The following BSDC1 variants were observed in gnomAD, a reference collection of about 807,000 sequenced individuals.
BSDC1 encodes the protein BSD domain-containing protein 1.
Under a neutral mutation model 56.0 loss-of-function variants are expected in BSDC1, and 29 were observed. That is an observed-to-expected ratio of 0.52 (90% CI 0.39 to 0.71). The LOEUF is 0.71. BSDC1 is among the 30% of genes least tolerant of loss of function. The pLI is 0.00. For synonymous variants in BSDC1, 210 were observed against 215.3 expected (o/e 0.98, Z 0.21); for missense variants, 477 against 548.5 (o/e 0.87, Z 1.30).
At position 32,394,409 on chromosome 1, in the gene BSDC1, C is replaced by A. The variant is rs1351532934; in HGVS notation, c.6G>T (p.Ala2=). The A allele has an allele frequency of 6.2e-7, 1 of 1,614,186 alleles. No individual in the cohort carries two copies. The highest frequency in any genetic ancestry group is 1.7e-5 in the Admixed American group (1 of 60,024). Residue 2 remains alanine (A), a synonymous_variant, in exon 1 of 11, where the codon GCG becomes GCT. Transcript: ENST00000455895. M[A]EGEDVGWWRS... ...GAGCAAAACGACAAGCTCACCCTTC[C>A]GCCATCTTGCCTGCATGACATCACC...
Position 32,366,379 on chromosome 1 carries a change from C to T in BSDC1, c.*243G>A. 1.4e-6 allele frequency: 1 copy of T among 691,266 alleles called. No individual in the cohort carries two copies. 42.8% of individuals were successfully genotyped at this position (691,266 alleles called of 1,614,324 possible). ...CTCTTCTGGTGAGGAGGATAGGTTT[C>T]CTCTCCCTTGGGTCATCCTATTGTT... On this transcript the variant is annotated 3_prime_UTR_variant, in exon 11 of 11. Transcript: ENST00000455895.
intron 5 of BSDC1, among the ~76,000 whole-genome samples, chr1:32,380,011 T>C (rs958000917): frequency 6.6e-6 from 1 of 152,220 alleles, no homozygotes; most frequent in African/African-American, 2.4e-5. Context: ...AAGATGGGCT[T>C]CAAAGGGTCA....
chr1:32,380,231 C>T (rs1021286788), intron 5 of BSDC1, among the ~76,000 whole-genome samples: 1 of 152,228 alleles, frequency 6.6e-6, no homozygotes, highest in African/African-American at 2.4e-5. Flanking sequence ...CTCATACGCA[C>T]CCTTTAACCC....
chr1:32,383,808 A>C (rs1315807465), intron 4 of BSDC1, 22 bp downstream of exon 4: 1 of 1,609,758 alleles, frequency 6.2e-7, no homozygotes, highest in Non-Finnish European at 8.5e-7. Flanking sequence ...AGGCATCTGC[A>C]GGGGAGACTG....
chr1:32,375,442 G>C (rs959579434), intron 9 of BSDC1, among the ~76,000 whole-genome samples: 1 of 150,424 alleles, frequency 6.6e-6, no homozygotes, highest in Non-Finnish European at 1.5e-5. Context: ...CTGGAGGGGG[G>C]GTTCTTAGTG....
At chr1:32,390,534 G>A (rs1445568771) in intron 2 of BSDC1, among the ~76,000 whole-genome samples, 3 of 152,206 alleles carry the variant, frequency 2.0e-5, no homozygotes, top group African/African-American at 7.2e-5. Flanking sequence ...CTAGAGACAA[G>A]GTGGTAACAA....
chr1:32,365,176 TC>T lies in BSDC1; in HGVS notation c.*1445del, dbSNP rs1641799432. Reference sequence around the variant, plus strand: ...AAAGGTTCAGGACAAAGTTCTTTTTTCTTTCTTTTTTAATTATAAAACTAAC... The same window carrying T: ...AAAGGTTCAGGACAAAGTTCTTTTTTTTTCTTTTTTAATTATAAAACTAAC... On this transcript the variant is annotated 3_prime_UTR_variant, in exon 11 of 11. Coordinates refer to ENST00000455895, the MANE Select transcript of BSDC1 (RefSeq NM_018045.8). The T allele has an allele frequency of 6.6e-6, 1 of 152,226 alleles. No individual in the cohort carries two copies. The highest frequency in any genetic ancestry group is 1.5e-5 in the Non-Finnish European group (1 of 68,036). The allele number at this position is 152,226 out of a possible 1,614,324, so 9.4% of individuals were successfully genotyped here. A position where few individuals can be genotyped will look rare whatever the true frequency, so the allele number is the denominator to read the frequency against.
At chr1:32,372,031 A>AG in intron 9 of BSDC1, among the ~76,000 whole-genome samples, 1 of 152,366 alleles carries the variant, frequency 6.6e-6, no homozygotes, top group Middle Eastern at 3.4e-3. Flanking sequence ...CATTATAAGC[A>AG]GGTACCTGTG....
At chr1:32,392,596 T>C (rs1317116000) in intron 2 of BSDC1, among the ~76,000 whole-genome samples, 1 of 152,206 alleles carries the variant, frequency 6.6e-6, no homozygotes, top group East Asian at 1.9e-4. Context: ...CAGACTTTCC[T>C]GCCAGGAAAT....
intron 1 of BSDC1, 123 bp from the exon 2 acceptor site, chr1:32,394,263 C>G (rs1165701375): frequency 6.4e-7 from 1 of 1,558,786 alleles, no homozygotes; most frequent in African/African-American, 1.4e-5. Context: ...TGCCCACCCC[C>G]TCACAATGCG....
At chr1:32,389,246 T>G (rs1570173256) in intron 2 of BSDC1, among the ~76,000 whole-genome samples, 7 of 152,186 alleles carry the variant, frequency 4.6e-5, no homozygotes, top group Admixed American at 4.6e-4. Flanking sequence ...GAACATAGTT[T>G]AGACTTCAGA....
intron 9 of BSDC1, among the ~76,000 whole-genome samples, chr1:32,373,694 G>GT (rs1414142888): frequency 2.0e-5 from 3 of 152,088 alleles, no homozygotes; most frequent in Admixed American, 2.0e-4. Flanking sequence ...CTAATTTTTT[G>GT]TATTTTCTGT....
At chr1:32,384,764 A>G (rs1048892679) in intron 3 of BSDC1, among the ~76,000 whole-genome samples, 1 of 151,886 alleles carries the variant, frequency 6.6e-6, no homozygotes, top group Non-Finnish European at 1.5e-5. Context: ...GGAAAATTTT[A>G]TTTACTCTTG....
rs1641802948 is a variant in BSDC1, at chr1:32,365,232, CTTTT to C, written c.*1386_*1389del. Reference sequence around the variant, plus strand: ...GTTAGAATCTTTTTTTCTTTTTTTCCTTTTTTCTTTTCCCAGCTACAAAATACTC... The same window carrying C: ...GTTAGAATCTTTTTTTCTTTTTTTCCTTCTTTTCCCAGCTACAAAATACTC... On this transcript the variant is annotated 3_prime_UTR_variant, in exon 11 of 11. Transcript: ENST00000455895. The C allele has an allele frequency of 6.6e-6, 1 of 151,278 alleles. No homozygotes were observed. Among genetic ancestry groups the C allele is most frequent in the Non-Finnish European group, 1.5e-5 (1 of 67,806 alleles). 9.4% of individuals were successfully genotyped at this position (151,278 alleles called of 1,614,324 possible).
At chr1:32,384,197 G>T in intron 3 of BSDC1, 200 bp from the exon 4 acceptor site, 3 of 644,130 alleles carry the variant, frequency 4.7e-6, no homozygotes, top group Non-Finnish European at 5.4e-6. Context: ...GCAGAACAGG[G>T]CCATGGTAGG....
At chr1:32,376,145 A>C (rs1367055329) in intron 9 of BSDC1, 117 bp downstream of exon 9, 1 of 1,178,832 alleles carries the variant, frequency 8.5e-7, no homozygotes, top group African/African-American at 1.5e-5. Context: ...TGTCATCATT[A>C]TCAGAAACGA....
intron 9 of BSDC1, among the ~76,000 whole-genome samples, chr1:32,372,673 G>C (rs1430850419): frequency 6.6e-6 from 1 of 152,220 alleles, no homozygotes; most frequent in East Asian, 1.9e-4. Context: ...GCATGTGGCA[G>C]AGAGGTGGCC....
rs139047870 is a variant in BSDC1 at position 32,385,454 on chromosome 1, C to T, written c.189+1325G>A. On this transcript the variant is annotated intron_variant, in intron 3 of 10. Coordinates refer to ENST00000455895, the MANE Select transcript of BSDC1 (RefSeq NM_018045.8). ...TAGAAAACAACAAACAAGCCAGGCA[C>T]GGTGGCTCATGCCTGTAATCCCAGC... Among the ~76,000 whole-genome samples the T allele has an allele frequency of 2.6e-3, 399 of 152,268 alleles. 1 individual carries two copies. The highest frequency in any genetic ancestry group is 9.3e-3 in the African/African-American group (386 of 41,552).
At position 32,376,488 on chromosome 1, in the gene BSDC1, T is replaced by A; in HGVS notation, c.930A>T (p.Leu310=). 1 of 1,611,294 alleles carries A rather than the reference T, an allele frequency of 6.2e-7. No individual in the cohort carries two copies. The highest frequency in any genetic ancestry group is 1.1e-5 in the South Asian group (1 of 90,886). The stretch of plus-strand genomic sequence containing the variant: ...GGCCCTGTTCCTCCAAGGATGCCTC[T>A]AGCAGCTTTTGGGACAGGTCCTTGG... ...VLPKDLSQKL[L]EASLEEQGLA... is the part of the protein sequence containing the mutation. Residue 310 remains leucine (L), a synonymous_variant, in exon 9 of 11, where the codon CTA becomes CTT. Coordinates refer to ENST00000455895, the MANE Select transcript of BSDC1 (RefSeq NM_018045.8).
Sources: allele counts gnomAD v4.1 joint callset (sites outside exome capture counted in the v4.1 genomes callset), GRCh38; gene constraint gnomAD v4.1.1; transcripts MANE v1.5; gene names NCBI Gene and HGNC (gene_info 2026-07-23, HGNC 2026-07-21).